SRCIN1: variants seen among roughly 807,000 people sequenced by gnomAD.
SRCIN1 encodes the protein SRC kinase signaling inhibitor 1.
Under a neutral mutation model 116.2 loss-of-function variants are expected in SRCIN1, and 50 were observed. The observed-to-expected ratio is 0.43, with a 90% CI of 0.34 to 0.54. SRCIN1 has a LOEUF of 0.54. SRCIN1 is among the 20% of genes least tolerant of loss of function. SRCIN1 has a pLI of 0.02. For missense variants in SRCIN1, 1,446 were observed against 1,672.0 expected (o/e 0.86, Z 2.36); for synonymous variants, 736 against 750.0 (o/e 0.98, Z 0.30).
At chr17:38,588,384 A>G (rs1055696885) in intron 1 of SRCIN1, among the ~76,000 whole-genome samples, 30 of 152,382 alleles carry the variant, frequency 2.0e-4, no homozygotes, top group African/African-American at 7.2e-4. Context: ...CCCACGCGGC[A>G]CTATGTTAAC....
At chr17:38,592,209 G>A (rs1460419116) in intron 1 of SRCIN1, among the ~76,000 whole-genome samples, 2 of 152,186 alleles carry the variant, frequency 1.3e-5, no homozygotes, top group Non-Finnish European at 2.9e-5. Context: ...AATTATGGGG[G>A]AATCAGCAGT....
chr17:38,592,179 C>A (rs1908478020), intron 1 of SRCIN1, among the ~76,000 whole-genome samples: 2 of 152,230 alleles, frequency 1.3e-5, no homozygotes, highest in Admixed American at 1.3e-4. Flanking sequence ...GTGGCTAATT[C>A]TGGTGTCTCA....
At chr17:38,543,255 C>T in intron 18 of SRCIN1, 1 of 454,566 alleles carries the variant, frequency 2.2e-6, no homozygotes, top group Admixed American at 2.4e-5. Context: ...CCCACTGAAA[C>T]CCAAACACAA....
In SRCIN1 at chr17:38,569,324, A is replaced by G. The variant is rs539595037; in HGVS notation, c.325-1093T>C. 1.3e-4 allele frequency among the ~76,000 whole-genome samples: 20 copies of G among 152,352 alleles called. No homozygotes were observed. In the South Asian group the frequency reaches 3.5e-3, roughly 27 times the overall value. On this transcript the variant is annotated intron_variant, in intron 2 of 18. Coordinates refer to ENST00000617146, the MANE Select transcript of SRCIN1 (RefSeq NM_025248.3). ...CCTGCTGACCGGTGCCAGCCTCAGC[A>G]GGGAGACAGAGGCAGCAGATGGCCT...
At chr17:38,588,734 C>A (rs1168933956) in intron 1 of SRCIN1, among the ~76,000 whole-genome samples, 1 of 152,208 alleles carries the variant, frequency 6.6e-6, no homozygotes, top group Non-Finnish European at 1.5e-5. Context: ...AGACTCCAAT[C>A]TGTTGGAAGT....
chr17:38,589,858 C>T (rs1049320558), intron 1 of SRCIN1, among the ~76,000 whole-genome samples: 1 of 152,154 alleles, frequency 6.6e-6, no homozygotes, highest in African/African-American at 2.4e-5. Context: ...CTAGGGACAC[C>T]CTGTTAGTAT....
chr17:38,579,731 C>T (rs1267642907), intron 1 of SRCIN1, among the ~76,000 whole-genome samples: 1 of 152,136 alleles, frequency 6.6e-6, no homozygotes, highest in Non-Finnish European at 1.5e-5. Context: ...TCTGAATCCC[C>T]TTCCCAAATG....
In SRCIN1 at chr17:38,564,357, C is replaced by G. The variant is rs558580963; in HGVS notation, c.346-44G>C. The G allele has an allele frequency of 2.1e-3, 3,050 of 1,447,582 alleles. 45 individuals carry two copies. The African/African-American group carries it at 0.041, about 19-fold the overall frequency. 89.7% of individuals were successfully genotyped at this position (1,447,582 alleles called of 1,614,324 possible). Reference sequence around the variant, plus strand: ...GTGAGAGGAACCAAGGATGAGCACCCCCCCTCCCCTTTGCTTGTCACTGCC... The same window carrying G: ...GTGAGAGGAACCAAGGATGAGCACCGCCCCTCCCCTTTGCTTGTCACTGCC... On this transcript the variant is annotated intron_variant, in intron 3 of 18. Transcript: ENST00000617146.
At chr17:38,560,810 T>G (rs1906186562) in intron 7 of SRCIN1, among the ~76,000 whole-genome samples, 2 of 152,162 alleles carry the variant, frequency 1.3e-5, no homozygotes, top group Admixed American at 1.3e-4. Flanking sequence ...CTGGGTTTGC[T>G]CAGCTTGGCA....
chr17:38,548,139 G>C (rs116181737), intron 17 of SRCIN1, among the ~76,000 whole-genome samples: 1,558 of 152,238 alleles, frequency 0.01, 21 homozygotes, highest in African/African-American at 0.036. Flanking sequence ...ACACTGCTGG[G>C]AGAGTCGAGG....
rs376230248 is a variant in SRCIN1, at chr17:38,568,276, G to A, written c.325-45C>T. The A allele has an allele frequency of 6.3e-6, 10 of 1,597,446 alleles. No individual in the cohort carries two copies. Among genetic ancestry groups the A allele is most frequent in the Non-Finnish European group, 8.6e-6 (10 of 1,169,030 alleles). ...AAGAGATGGTTATGAGGGGGCCCAGGAGGGGAAAAGAGGGGCAGGGGCAGG... is the reference window on the plus strand; with the variant it reads ...AAGAGATGGTTATGAGGGGGCCCAGAAGGGGAAAAGAGGGGCAGGGGCAGG... On this transcript the variant is annotated intron_variant, in intron 2 of 18. Coordinates refer to ENST00000617146, the MANE Select transcript of SRCIN1 (RefSeq NM_025248.3). The surrounding 1 kb of genome is among the most constrained non-coding windows in gnomAD (Gnocchi z 4.5).
chr17:38,596,002 CGGAGAGCT>C (rs77978988), intron 1 of SRCIN1, among the ~76,000 whole-genome samples: 16,435 of 152,118 alleles, frequency 0.11, 1,541 homozygotes, highest in African/African-American at 0.26. Flanking sequence ...CATCTGACTA[CGGAGAGCT>C]GGAGAGCTGG....
chr17:38,604,199 A>G lies in SRCIN1; in HGVS notation c.22+1485T>C, dbSNP rs893978364. ...AAGAAGGTATCCTGACGACCCCCCA[A>G]AAGTGCTCAAACCCCACCCAAAGGA... is the stretch of plus-strand genomic sequence containing the variant. On this transcript the variant is annotated intron_variant, in intron 1 of 18. Transcript: ENST00000617146. This position sits in a 1 kb window ranked among gnomAD's most constrained non-coding sequence, Gnocchi z 4.3. Among the ~76,000 whole-genome samples, 2 of 152,048 alleles carry G rather than the reference A, an allele frequency of 1.3e-5. No homozygotes were observed. Among genetic ancestry groups the G allele is most frequent in the South Asian group, 2.1e-4 (1 of 4,816 alleles).
At chr17:38,578,396 G>T in intron 2 of SRCIN1, 94 bp downstream of exon 2, 1 of 1,402,360 alleles carries the variant, frequency 7.1e-7, no homozygotes, top group Non-Finnish European at 9.4e-7. Context: ...CCCAGAGTTG[G>T]AATGAGCCTG....
chr17:38,565,341 G>A (rs1906612799), intron 3 of SRCIN1, among the ~76,000 whole-genome samples: 1 of 152,182 alleles, frequency 6.6e-6, no homozygotes, highest in Non-Finnish European at 1.5e-5. Context: ...TCCATGTTAT[G>A]TGCATTATAT....
intron 14 of SRCIN1, chr17:38,551,661 G>A: frequency 1.4e-6 from 1 of 702,950 alleles, no homozygotes; most frequent in Non-Finnish European, 2.4e-6. Flanking sequence ...GTCTATTCTT[G>A]GGCAAACATC....
intron 1 of SRCIN1, among the ~76,000 whole-genome samples, chr17:38,586,388 T>TG (rs1908115941): frequency 6.6e-6 from 1 of 152,160 alleles, no homozygotes; most frequent in Admixed American, 6.5e-5. Context: ...GTGATACACC[T>TG]GTTGTCCCCT....
At chr17:38,560,158 G>A (rs1906138323) in intron 8 of SRCIN1, 61 bp from the exon 9 acceptor site, 1 of 1,470,656 alleles carries the variant, frequency 6.8e-7, no homozygotes, top group Admixed American at 2.3e-5. Context: ...TTCAGAGCTG[G>A]GTGGAACCTT....
chr17:38,546,694 C>T (rs1193024024), intron 17 of SRCIN1: 2 of 152,506 alleles, frequency 1.3e-5, no homozygotes, highest in African/African-American at 4.8e-5. Context: ...ACAGCTCATC[C>T]TAGAGGTTCC....
Sources: allele counts gnomAD v4.1 joint callset (sites outside exome capture counted in the v4.1 genomes callset), GRCh38; gene constraint gnomAD v4.1.1; non-coding constraint Gnocchi (gnomAD v3.1); transcripts MANE v1.5; gene names NCBI Gene and HGNC (gene_info 2026-07-23, HGNC 2026-07-21).